DNAJC17: variants seen among roughly 807,000 people sequenced by gnomAD.
DNAJC17 encodes DnaJ heat shock protein family (Hsp40) member C17.
DNAJC17 carries 35 observed loss-of-function variants against 48.1 expected under a neutral mutation model. That is an observed-to-expected ratio of 0.73 (90% CI 0.56 to 0.96). The LOEUF is 0.96. DNAJC17 is among the 50% of genes least tolerant of loss of function. The pLI is 0.00. For synonymous variants in DNAJC17, 117 were observed against 142.7 expected (o/e 0.82, Z 1.28); for missense variants, 355 against 377.1 (o/e 0.94, Z 0.48).
chr15:40,797,311 A>T (rs1429484260), intron 1 of DNAJC17, among the ~76,000 whole-genome samples: 3 of 152,176 alleles, frequency 2.0e-5, no homozygotes, highest in Non-Finnish European at 4.4e-5. Flanking sequence ...TTGAGGCTGC[A>T]GTGAGCTGTG....
At position 40,769,395 on chromosome 15, in the gene DNAJC17, A is replaced by G. The variant is rs1889054725; in HGVS notation, c.793-1333T>C. On this transcript the variant is annotated intron_variant, in intron 10 of 10. Transcript: ENST00000220496. The surrounding 1 kb of genome is among the most constrained non-coding windows in gnomAD (Gnocchi z 4.2). ...TAGGGTAAAACAAGGGAGGACAAGGAAATAGCAGCCAGGCTGATGGCAGGC... is the reference window on the plus strand; with the variant it reads ...TAGGGTAAAACAAGGGAGGACAAGGGAATAGCAGCCAGGCTGATGGCAGGC... Among the ~76,000 whole-genome samples the G allele has an allele frequency of 6.6e-6, 1 of 152,224 alleles. No homozygotes were observed. The highest frequency in any genetic ancestry group is 6.5e-5 in the Admixed American group (1 of 15,290).
At position 40,779,529 on chromosome 15, in the gene DNAJC17, A is replaced by AG. The variant is rs1026529497; in HGVS notation, c.207+15dup. On this transcript the variant is annotated intron_variant, in intron 3 of 10. Transcript: ENST00000220496. ...TAACCATGGGGGACGATTCCGATGAAGGAGGCTGTGCTTACCCTGGCTGCA... is the reference window on the plus strand; with the variant it reads ...TAACCATGGGGGACGATTCCGATGAAGGGAGGCTGTGCTTACCCTGGCTGCA... The AG allele has an allele frequency of 1.9e-6, 3 of 1,614,104 alleles. No homozygotes were observed. Among genetic ancestry groups the AG allele is most frequent in the Non-Finnish European group, 2.5e-6 (3 of 1,179,986 alleles).
rs1203033598 is a variant in DNAJC17 at position 40,773,734 on chromosome 15, A to C, written c.785T>G (p.Leu262Arg). Residue 262 changes from leucine (L) to arginine (R), a missense_variant, in exon 10 of 11, where the codon CTG (leucine) becomes CGG (arginine). By Grantham distance (102) the Leu-to-Arg change is moderately radical. Around this residue, in one of 3 missense-constraint regions of DNAJC17, gnomAD observed 88 missense variants for 67.7 expected, o/e 1.30. Transcript: ENST00000220496. ...QDAVGRSHSGLSKGSVLSERD... is the reference protein window; with the variant it reads ...QDAVGRSHSGRSKGSVLSERD... ...CGAGGCCTGACTCCTCACCTTTGAC[A>C]GTCCTGAGTGGCTGCGGCCCACGGC... The C allele has an allele frequency of 6.2e-7, 1 of 1,613,326 alleles. No homozygotes were observed. Among genetic ancestry groups the C allele is most frequent in the Non-Finnish European group, 8.5e-7 (1 of 1,179,732 alleles).
Position 40,769,101 on chromosome 15 carries a change from G to A in DNAJC17, c.793-1039C>T, listed in dbSNP as rs1396520116. Among the ~76,000 whole-genome samples, 1 of 152,226 alleles carries A rather than the reference G, an allele frequency of 6.6e-6. No individual in the cohort carries two copies. The highest frequency in any genetic ancestry group is 2.4e-5 in the African/African-American group (1 of 41,466). ...TGGAGTAAGGGGTGTAGAGAAACAG[G>A]AAGTGTTACTCAGCCTGGGTTCCCC... On this transcript the variant is annotated intron_variant, in intron 10 of 10. Coordinates refer to ENST00000220496, the MANE Select transcript of DNAJC17 (RefSeq NM_018163.3). This position sits in a 1 kb window ranked among gnomAD's most constrained non-coding sequence, Gnocchi z 4.2.
At chr15:40,802,273 C>G (rs752082548) in intron 1 of DNAJC17, among the ~76,000 whole-genome samples, 1 of 151,388 alleles carries the variant, frequency 6.6e-6, no homozygotes. Context: ...CAGGTTCAAG[C>G]GATTCTCCTG....
At position 40,776,899 on chromosome 15, in the gene DNAJC17, G is replaced by A. The variant is rs112512614; in HGVS notation, c.296-272C>T. 802 of 419,398 alleles carry A rather than the reference G, an allele frequency of 1.9e-3. 8 individuals are homozygous for A. The highest frequency in any genetic ancestry group is 0.015 in the African/African-American group (766 of 49,966). 26.0% of individuals were successfully genotyped at this position (419,398 alleles called of 1,614,324 possible). A position where few individuals can be genotyped will look rare whatever the true frequency, so the allele number is the denominator to read the frequency against. The stretch of plus-strand genomic sequence containing the variant: ...GCTGGTTCTCTCTAGTGAACAGGGT[G>A]TGGGTGGTGCTTATGTCAGCAGCCC... On this transcript the variant is annotated intron_variant, in intron 4 of 10. Coordinates refer to ENST00000220496, the MANE Select transcript of DNAJC17 (RefSeq NM_018163.3).
chr15:40,772,199 G>A (rs1343989028), intron 10 of DNAJC17: 1 of 167,036 alleles, frequency 6.0e-6, no homozygotes, highest in Non-Finnish European at 1.5e-5. Flanking sequence ...CAAGCCCACT[G>A]GGTCAAAGCC....
rs759209486 is a variant in DNAJC17, at chr15:40,765,844, G to C, written c.*2096C>G. On this transcript the variant is annotated 3_prime_UTR_variant, in exon 11 of 11. Coordinates refer to ENST00000220496, the MANE Select transcript of DNAJC17 (RefSeq NM_018163.3). ...CCTTGCAGGAGGTGGGCCCCACTAT[G>C]GTGGGCGATGAACAGTCGGATCCAG... is the stretch of plus-strand genomic sequence containing the variant. The C allele has an allele frequency of 6.3e-7, 1 of 1,575,790 alleles. No individual in the cohort carries two copies.
At chr15:40,771,015 A>G in intron 10 of DNAJC17, 1 of 1,550,574 alleles carries the variant, frequency 6.4e-7, no homozygotes, top group South Asian at 1.2e-5. Context: ...TAGCGAGCCC[A>G]GCTTCTAAAT....
intron 1 of DNAJC17, among the ~76,000 whole-genome samples, chr15:40,799,517 G>C (rs1391384207): frequency 1.3e-5 from 2 of 152,178 alleles, no homozygotes; most frequent in Non-Finnish European, 2.9e-5. Flanking sequence ...TCTGTGTACA[G>C]AAAGGCAGAG....
intron 1 of DNAJC17, among the ~76,000 whole-genome samples, chr15:40,799,963 CATT>C: frequency 6.6e-6 from 1 of 152,230 alleles, no homozygotes; most frequent in African/African-American, 2.4e-5. Context: ...AATCCTCCCA[CATT>C]AGCCTCTCCA....
At chr15:40,776,745 C>T in intron 4 of DNAJC17, 118 bp from the exon 5 acceptor site, 1 of 932,156 alleles carries the variant, frequency 1.1e-6, no homozygotes, top group Non-Finnish European at 1.7e-6. Context: ...CATACAGTAA[C>T]TCTGCCCCCT....
intron 1 of DNAJC17, among the ~76,000 whole-genome samples, chr15:40,805,414 G>A (rs1890182256): frequency 6.6e-6 from 1 of 151,126 alleles, no homozygotes. Context: ...GGGCGTGGTG[G>A]TACATGCCTG....
At chr15:40,801,764 A>T (rs1596102349) in intron 1 of DNAJC17, among the ~76,000 whole-genome samples, 3 of 152,058 alleles carry the variant, frequency 2.0e-5, no homozygotes, top group Admixed American at 2.0e-4. Flanking sequence ...AAAAGAAAAG[A>T]AAAGAAATTC....
At chr15:40,779,354 T>C (rs1463269961) in intron 3 of DNAJC17, 44 bp from the exon 4 acceptor site, 1 of 1,606,080 alleles carries the variant, frequency 6.2e-7, no homozygotes, top group African/African-American at 1.3e-5. Context: ...AGTGAGAGAG[T>C]AAAGACAGAG....
At chr15:40,805,182 C>T (rs1890169663) in intron 1 of DNAJC17, among the ~76,000 whole-genome samples, 1 of 150,770 alleles carries the variant, frequency 6.6e-6, no homozygotes, top group Non-Finnish European at 1.5e-5. Context: ...CCAAGACTGG[C>T]CTGGCCAACA....
Position 40,767,922 on chromosome 15 carries a change from G to T in DNAJC17, c.*18C>A. ...ACGTTGAAGAAAAGGGCTGAGGGGT[G>T]GATGGCTGGAGCTGGGGCTACGTAG... is the stretch of plus-strand genomic sequence containing the variant. On this transcript the variant is annotated 3_prime_UTR_variant, in exon 11 of 11. Transcript: ENST00000220496. The T allele has an allele frequency of 6.2e-7, 1 of 1,611,262 alleles. No homozygotes were observed. Among genetic ancestry groups the T allele is most frequent in the South Asian group, 1.1e-5 (1 of 90,762 alleles).
intron 1 of DNAJC17, among the ~76,000 whole-genome samples, chr15:40,788,713 A>T (rs201929181): frequency 3.3e-3 from 176 of 53,908 alleles, no homozygotes; most frequent in African/African-American, 0.012. Flanking sequence ...AAAAAAAAAA[A>T]TTTTTTTTTA....
Position 40,770,223 on chromosome 15 carries a change from C to T in DNAJC17, c.793-2161G>A, listed in dbSNP as rs944268939. 2.4e-6 allele frequency: 1 copy of T among 411,188 alleles called. No individual in the cohort carries two copies. Among genetic ancestry groups the T allele is most frequent in the Non-Finnish European group, 4.3e-6 (1 of 230,292 alleles). 25.5% of individuals were successfully genotyped at this position (411,188 alleles called of 1,614,324 possible). On this transcript the variant is annotated intron_variant, in intron 10 of 10. Coordinates refer to ENST00000220496, the MANE Select transcript of DNAJC17 (RefSeq NM_018163.3). This position sits in a 1 kb window ranked among gnomAD's most constrained non-coding sequence, Gnocchi z 5.0. ...CTTCTTCCTCCTGGGTTTTTTTCCA[C>T]TACCCTATTCAGTAACCAGGCCACT...
Sources: allele counts gnomAD v4.1 joint callset (sites outside exome capture counted in the v4.1 genomes callset), GRCh38; gene constraint gnomAD v4.1.1; regional missense constraint gnomAD v4.1.1; non-coding constraint Gnocchi (gnomAD v3.1); transcripts MANE v1.5; gene names NCBI Gene and HGNC (gene_info 2026-07-23, HGNC 2026-07-21).